The following CHODL variants were observed in gnomAD, a reference collection of about 807,000 sequenced individuals.
CHODL encodes transmembrane protein MT75.
A neutral mutation model predicts 34.5 loss-of-function variants in CHODL; 29 were observed. That is an observed-to-expected ratio of 0.84 (90% CI 0.63 to 1.15). The LOEUF (loss-of-function observed/expected upper bound fraction) is 1.15. Among genes scored for constraint, CHODL ranks in the 50% most tolerant of loss-of-function variants. The pLI, the probability that CHODL is intolerant of heterozygous loss-of-function variation, is 0.00. For missense variants in CHODL, 332 were observed against 332.5 expected, an observed-to-expected ratio of 1.00 and a Z score of 0.01; for synonymous variants, 125 against 116.1, an observed-to-expected ratio of 1.08 and a Z score of -0.49.
chr21:18,096,962 A>T (rs941598453), intron 2 of CHODL, among the ~76,000 whole-genome samples: 1 of 151,984 alleles, frequency 6.6e-6, no homozygotes, highest in African/African-American at 2.4e-5. Context: ...TATTTCTCAG[A>T]CCTGCCGACA....
chr21:18,046,084 T>C (rs950957377), intron 2 of CHODL, among the ~76,000 whole-genome samples: 2 of 151,974 alleles, frequency 1.3e-5, no homozygotes, highest in Non-Finnish European at 2.9e-5. Flanking sequence ...AGAACACTAA[T>C]ACACCTGATA....
intron 1 of CHODL, among the ~76,000 whole-genome samples, chr21:17,950,759 A>G (rs1248969658): frequency 6.6e-6 from 1 of 152,146 alleles, no homozygotes; most frequent in Admixed American, 6.5e-5. Context: ...TGCCAGACAT[A>G]AAACTGGAAG....
intron 1 of CHODL, among the ~76,000 whole-genome samples, chr21:17,982,929 T>C (rs371680344): frequency 1.6e-4 from 24 of 152,170 alleles, no homozygotes; most frequent in Middle Eastern, 6.8e-3. Context: ...TTCACCATGT[T>C]GGCCAGGCTG....
chr21:18,158,070 GGT>G (rs2073054792), intron 2 of CHODL, among the ~76,000 whole-genome samples: 4 of 86,072 alleles, frequency 4.6e-5, no homozygotes, highest in Admixed American at 2.8e-4. Context: ...GATTCCAAAA[GGT>G]TTTTTTTTTT....
rs778826367 is a variant in CHODL at position 18,256,490 on chromosome 21, ATC to A, written c.80-17_80-16del. 174 of 1,494,460 alleles carry A rather than the reference ATC, an allele frequency of 1.2e-4. No homozygotes were observed. The African/African-American group carries it at 1.7e-3, about 14-fold the overall frequency. The allele number at this position is 1,494,460 out of a possible 1,614,324, so 92.6% of individuals were successfully genotyped here. A position where few individuals can be genotyped will look rare whatever the true frequency, so the allele number is the denominator to read the frequency against. The stretch of plus-strand genomic sequence containing the variant: ...GAGTTCCGATTATCAATATATGGGC[ATC>A]TTTTTTTTTTTTTCAGGCCAAAAGG... On this transcript the variant is annotated splice_polypyrimidine_tract_variant and intron_variant, in intron 1 of 5. Coordinates refer to ENST00000299295, the MANE Select transcript of CHODL (RefSeq NM_024944.3).
chr21:18,197,663 G>T (rs998549472), intron 2 of CHODL, among the ~76,000 whole-genome samples: 3 of 152,158 alleles, frequency 2.0e-5, no homozygotes, highest in Non-Finnish European at 2.9e-5. Flanking sequence ...AAGAAACTGT[G>T]AAGAGATGAA....
At chr21:18,015,122 T>C (rs1168796223) in intron 1 of CHODL, among the ~76,000 whole-genome samples, 2 of 152,186 alleles carry the variant, frequency 1.3e-5, no homozygotes, top group Non-Finnish European at 2.9e-5. Flanking sequence ...CAGATGGTGA[T>C]ATGGTTTGGC....
At chr21:17,967,599 G>A (rs2063582347) in intron 1 of CHODL, among the ~76,000 whole-genome samples, 1 of 152,142 alleles carries the variant, frequency 6.6e-6, no homozygotes, top group African/African-American at 2.4e-5. Flanking sequence ...CTCCTATGTA[G>A]TAACATGTTA....
intron 1 of CHODL, among the ~76,000 whole-genome samples, chr21:17,975,633 G>A (rs949265325): frequency 1.3e-5 from 2 of 151,808 alleles, no homozygotes; most frequent in East Asian, 1.9e-4. Context: ...CTTTTAATTC[G>A]ATGTTTCTTA....
chr21:18,242,087 C>A (rs2074088069), upstream of CHODL, among the ~76,000 whole-genome samples: 1 of 151,968 alleles, frequency 6.6e-6, no homozygotes, highest in African/African-American at 2.4e-5. Flanking sequence ...ATGAGCTGAC[C>A]TGGAGCCCAG....
At chr21:18,137,204 T>C (rs2072744357) in intron 2 of CHODL, among the ~76,000 whole-genome samples, 1 of 152,186 alleles carries the variant, frequency 6.6e-6, no homozygotes, top group South Asian at 2.1e-4. Flanking sequence ...ATACCTCCCA[T>C]TCTGCATTCC....
At chr21:18,246,629 ATCTG>A (rs1045052408) in intron 1 of CHODL, among the ~76,000 whole-genome samples, 30 of 152,316 alleles carry the variant, frequency 2.0e-4, no homozygotes, top group African/African-American at 7.2e-4. Flanking sequence ...TGAATTACTT[ATCTG>A]TCTTTGTATT....
intron 1 of CHODL, among the ~76,000 whole-genome samples, chr21:17,947,552 C>G (rs1174649157): frequency 6.6e-6 from 1 of 151,788 alleles, no homozygotes; most frequent in East Asian, 1.9e-4. Flanking sequence ...CAGACACACA[C>G]ACACACACAC....
chr21:18,188,737 G>T (rs1292303948), intron 2 of CHODL, among the ~76,000 whole-genome samples: 1 of 152,190 alleles, frequency 6.6e-6, no homozygotes, highest in African/African-American at 2.4e-5. Flanking sequence ...ATTTGTTATT[G>T]TGTGTCAACC....
At chr21:18,137,576 C>A (rs1241052427) in intron 2 of CHODL, among the ~76,000 whole-genome samples, 2 of 152,150 alleles carry the variant, frequency 1.3e-5, no homozygotes, top group Non-Finnish European at 2.9e-5. Context: ...TCACTCTCAA[C>A]CTTTATGCTA....
At chr21:18,182,549 A>T (rs2073394209) in intron 2 of CHODL, among the ~76,000 whole-genome samples, 1 of 152,172 alleles carries the variant, frequency 6.6e-6, no homozygotes, top group Non-Finnish European at 1.5e-5. Flanking sequence ...GAAAAAAAGG[A>T]TCTGTTGGTC....
intron 2 of CHODL, among the ~76,000 whole-genome samples, chr21:18,175,603 AAAAG>A (rs1389938107): frequency 1.2e-4 from 19 of 152,136 alleles, no homozygotes; most frequent in African/African-American, 3.9e-4. Flanking sequence ...GAAAAAAAAA[AAAAG>A]AAAGATATTG....
At chr21:18,212,498 A>T (rs1227857176) in intron 2 of CHODL, among the ~76,000 whole-genome samples, 1 of 152,126 alleles carries the variant, frequency 6.6e-6, no homozygotes, top group Non-Finnish European at 1.5e-5. Context: ...TTACAATTTT[A>T]TTATATATTA....
chr21:18,016,524 C>A (rs2064075928), intron 1 of CHODL, among the ~76,000 whole-genome samples: 1 of 152,136 alleles, frequency 6.6e-6, no homozygotes, highest in African/African-American at 2.4e-5. Flanking sequence ...ACCTTGCTAC[C>A]CTACAAAGCC....
Sources: gnomAD v4.1 joint callset for allele counts (sites outside exome capture counted in the v4.1 genomes callset) on GRCh38, gnomAD v4.1.1 for gene constraint, MANE v1.5 for transcripts, NCBI Gene and HGNC (gene_info 2026-07-23, HGNC 2026-07-21) for gene names.